The following ABTB2 variants were observed in gnomAD, a reference collection of about 807,000 sequenced individuals.
ABTB2 encodes the protein ankyrin repeat and BTB/POZ domain-containing protein 2.
In ABTB2, 56 loss-of-function variants were observed where a neutral mutation model predicts 104.1. That is an observed-to-expected ratio of 0.54 (90% CI 0.43 to 0.67). ABTB2 has a LOEUF of 0.67. ABTB2 is among the 30% of genes least tolerant of loss of function. The probability of loss-of-function intolerance (pLI) is 0.00; values close to 1 mark genes in which losing one functional copy is unlikely to be tolerated. For missense variants in ABTB2, 1,279 were observed against 1,407.7 expected, an observed-to-expected ratio of 0.91 and a Z score of 1.46; for synonymous variants, 606 against 608.2, an observed-to-expected ratio of 1.00 and a Z score of 0.05.
chr11:34,176,077 C>T (rs926569453), intron 3 of ABTB2, among the ~76,000 whole-genome samples: 5 of 152,090 alleles, frequency 3.3e-5, no homozygotes, highest in Admixed American at 1.3e-4. Context: ...GTCAGGAGTT[C>T]GAGACCAGCC....
chr11:34,222,439 T>C (rs1015858047), intron 1 of ABTB2, among the ~76,000 whole-genome samples: 5 of 152,208 alleles, frequency 3.3e-5, no homozygotes, highest in African/African-American at 1.2e-4. Flanking sequence ...TCCATTCAGA[T>C]GGCTGGGGAG....
intron 1 of ABTB2, among the ~76,000 whole-genome samples, chr11:34,234,665 G>A: frequency 6.6e-6 from 1 of 152,126 alleles, no homozygotes; most frequent in East Asian, 1.9e-4. Flanking sequence ...TTATGAAAAG[G>A]CAGGGCTACC....
In ABTB2 at chr11:34,153,517, C is replaced by T. The variant is rs183464246; in HGVS notation, c.2880+748G>A. ...CTGAGCAACTGGGACCACAGATGCA[C>T]GCCACCACACTCAGCTAGTTTGTAG... On this transcript the variant is annotated intron_variant, in intron 16 of 16. Coordinates refer to ENST00000435224, the MANE Select transcript of ABTB2 (RefSeq NM_145804.3). Among the ~76,000 whole-genome samples, 888 of 152,246 alleles carry T rather than the reference C, an allele frequency of 5.8e-3. 4 individuals carry two copies. The highest frequency in any genetic ancestry group is 9.9e-3 in the Non-Finnish European group (672 of 68,016).
chr11:34,263,676 G>C (rs1854215315), intron 1 of ABTB2, among the ~76,000 whole-genome samples: 1 of 152,110 alleles, frequency 6.6e-6, no homozygotes, highest in African/African-American at 2.4e-5. Flanking sequence ...ACCAGCCCAG[G>C]GACTCATTCC....
Position 34,254,935 on chromosome 11 carries a change from G to A in ABTB2, c.884-50245C>T, listed in dbSNP as rs147423565. 1.2e-4 allele frequency among the ~76,000 whole-genome samples: 18 copies of A among 152,208 alleles called. No homozygotes were observed. In the East Asian group the frequency reaches 3.3e-3, roughly 28 times the overall value. ...TGATCTGCCAGCCTCACACCTCTGAGATTACAGGTGCGAGCTACCATGCCC... is the reference window on the plus strand; with the variant it reads ...TGATCTGCCAGCCTCACACCTCTGAAATTACAGGTGCGAGCTACCATGCCC... On this transcript the variant is annotated intron_variant, in intron 1 of 16. Transcript: ENST00000435224.
chr11:34,319,271 TGAA>T lies in ABTB2; in HGVS notation c.883+37427_883+37429del, dbSNP rs1424604977. Among the ~76,000 whole-genome samples the T allele has an allele frequency of 6.6e-5, 10 of 152,288 alleles. 1 individual carries two copies. The South Asian group carries it at 1.2e-3, about 19-fold the overall frequency. ...TTCAGATGGTCATTATACAGCCAGG[TGAA>T]GAAGGTCACAGAGACCTCCCCCTTT... is the stretch of plus-strand genomic sequence containing the variant. On this transcript the variant is annotated intron_variant, in intron 1 of 16. Coordinates refer to ENST00000435224, the MANE Select transcript of ABTB2 (RefSeq NM_145804.3).
chr11:34,199,669 C>T (rs944090173), intron 2 of ABTB2, among the ~76,000 whole-genome samples: 2 of 152,136 alleles, frequency 1.3e-5, no homozygotes, highest in African/African-American at 4.8e-5. Context: ...TCAGCTTAAG[C>T]CCCACCCCTG....
intron 1 of ABTB2, among the ~76,000 whole-genome samples, chr11:34,229,364 C>T (rs1465244092): frequency 6.6e-6 from 1 of 151,090 alleles, no homozygotes; most frequent in Non-Finnish European, 1.5e-5. Context: ...GCCTGTAGTC[C>T]CAGCTACTCG....
At chr11:34,233,512 A>G (rs2145793) in intron 1 of ABTB2, among the ~76,000 whole-genome samples, 142,854 of 151,994 alleles carry the variant, frequency 0.94, 67,366 homozygotes, top group Non-Finnish European at 0.98. Context: ...CACCACACCC[A>G]GCTAAGTTTC....
chr11:34,339,675 C>T (rs1855238913), intron 1 of ABTB2, among the ~76,000 whole-genome samples: 2 of 152,102 alleles, frequency 1.3e-5, no homozygotes, highest in Admixed American at 6.6e-5. Context: ...CATCATTTCT[C>T]GGTGCCATTT....
chr11:34,325,308 C>T lies in ABTB2; in HGVS notation c.883+31393G>A, dbSNP rs60372864. Among the ~76,000 whole-genome samples, 3 of 152,284 alleles carry T rather than the reference C, an allele frequency of 2.0e-5. No homozygotes were observed. The East Asian group carries it at 5.8e-4, about 29-fold the overall frequency. Reference sequence around the variant, plus strand: ...AATGTGGTGGAGAATAAATGCTCTCCAAGACAGAACCAGTGCTATACCTTC... The same window carrying T: ...AATGTGGTGGAGAATAAATGCTCTCTAAGACAGAACCAGTGCTATACCTTC... On this transcript the variant is annotated intron_variant, in intron 1 of 16. Transcript: ENST00000435224.
intron 1 of ABTB2, among the ~76,000 whole-genome samples, chr11:34,341,582 G>A (rs1021750138): frequency 6.6e-6 from 1 of 152,184 alleles, no homozygotes; most frequent in African/African-American, 2.4e-5. Flanking sequence ...CAAGAAATGT[G>A]ACTTGCATGA....
rs537126383 is a variant in ABTB2 at position 34,342,185 on chromosome 11, A to G, written c.883+14516T>C. Among the ~76,000 whole-genome samples the G allele has an allele frequency of 1.2e-4, 18 of 152,364 alleles. No individual in the cohort carries two copies. In the South Asian group the frequency reaches 3.5e-3, roughly 30 times the overall value. On this transcript the variant is annotated intron_variant, in intron 1 of 16. Coordinates refer to ENST00000435224, the MANE Select transcript of ABTB2 (RefSeq NM_145804.3). Reference sequence around the variant, plus strand: ...CACACAACCTTTCAGAGGCAATTTCATTCACACTAACAGAAGAGAAACAAT... The same window carrying G: ...CACACAACCTTTCAGAGGCAATTTCGTTCACACTAACAGAAGAGAAACAAT...
intron 1 of ABTB2, among the ~76,000 whole-genome samples, chr11:34,346,448 C>T (rs753942457): frequency 1.2e-4 from 19 of 152,094 alleles, no homozygotes; most frequent in Non-Finnish European, 2.5e-4. Flanking sequence ...GCATGTAGCA[C>T]TCATCTTTCT....
chr11:34,207,231 A>C (rs1176109201), intron 1 of ABTB2, among the ~76,000 whole-genome samples: 1 of 152,366 alleles, frequency 6.6e-6, no homozygotes, highest in East Asian at 1.9e-4. Context: ...CAGAAACAAC[A>C]CTGGAGACAT....
At chr11:34,281,888 AC>A (rs1854452259) in intron 1 of ABTB2, among the ~76,000 whole-genome samples, 1 of 151,202 alleles carries the variant, frequency 6.6e-6, no homozygotes, top group African/African-American at 2.4e-5. Flanking sequence ...GATGAAGTTC[AC>A]AGCAGTGCTG....
At chr11:34,168,633 A>G (rs1238311502) in intron 5 of ABTB2, among the ~76,000 whole-genome samples, 1 of 152,220 alleles carries the variant, frequency 6.6e-6, no homozygotes, top group Non-Finnish European at 1.5e-5. Context: ...TCACACAACT[A>G]GCGAGAGGTT....
intron 1 of ABTB2, among the ~76,000 whole-genome samples, chr11:34,328,907 C>T (rs1272187377): frequency 6.6e-6 from 1 of 152,168 alleles, no homozygotes; most frequent in Non-Finnish European, 1.5e-5. Context: ...ATGAACTTTT[C>T]AATAATAATT....
chr11:34,287,771 C>T (rs566159564), intron 1 of ABTB2, among the ~76,000 whole-genome samples: 22 of 152,252 alleles, frequency 1.4e-4, no homozygotes, highest in African/African-American at 4.6e-4. Flanking sequence ...TTCCTGAGCC[C>T]TCTCCGTAAG....
Sources: allele counts gnomAD v4.1 joint callset (sites outside exome capture counted in the v4.1 genomes callset), GRCh38; gene constraint gnomAD v4.1.1; transcripts MANE v1.5; gene names NCBI Gene and HGNC (gene_info 2026-07-23, HGNC 2026-07-21).